Variants in TMEM138 observed in about 807,000 individuals in gnomAD.
TMEM138 encodes transmembrane protein 138.
Under a neutral mutation model 18.1 loss-of-function variants are expected in TMEM138, and 9 were observed. The observed-to-expected ratio is 0.50, with a 90% CI of 0.30 to 0.87. The LOEUF is 0.87. TMEM138 is among the 40% of genes least tolerant of loss of function. The pLI is 0.06. For missense variants in TMEM138, 189 were observed against 190.6 expected, an observed-to-expected ratio of 0.99 and a Z score of 0.05; for synonymous variants, 79 against 74.8, an observed-to-expected ratio of 1.06 and a Z score of -0.29.
At chr11:61,375,317 CTTTTTTT>C (rs71043758), downstream of TMEM138, among the ~76,000 whole-genome samples, 2 of 65,326 alleles carry the variant, frequency 3.1e-5, no homozygotes, top group Non-Finnish European at 6.2e-5. Flanking sequence ...TGTGAGTATT[CTTTTTTT>C]TTTTTTTTTT....
chr11:61,364,664 G>C, intron 2 of TMEM138, 146 bp downstream of exon 2: 3 of 1,133,688 alleles, frequency 2.6e-6, no homozygotes, highest in Non-Finnish European at 3.7e-6. Flanking sequence ...CAAGGCAGGA[G>C]GATCTTTTGA....
chr11:61,372,762 G>C (rs995785246), downstream of TMEM138, among the ~76,000 whole-genome samples: 26 of 151,958 alleles, frequency 1.7e-4, no homozygotes, highest in African/African-American at 6.3e-4. Context: ...CTCCAGTGTG[G>C]CAACAGAGTG....
downstream of TMEM138, among the ~76,000 whole-genome samples, chr11:61,370,364 A>C (rs1010063520): frequency 6.6e-6 from 1 of 152,212 alleles, no homozygotes; most frequent in Non-Finnish European, 1.5e-5. Context: ...GGAATTCTTT[A>C]AGTAAAAGGC....
intron 3 of TMEM138, chr11:61,367,138 C>T (rs1296231401): frequency 2.6e-5 from 4 of 152,168 alleles, no homozygotes; most frequent in Non-Finnish European, 5.9e-5. Context: ...TTGCTGCTTG[C>T]CCTTGAGTGC....
downstream of TMEM138, among the ~76,000 whole-genome samples, chr11:61,370,568 C>T (rs999924734): frequency 4.6e-5 from 7 of 152,124 alleles, no homozygotes; most frequent in Admixed American, 4.6e-4. Flanking sequence ...CTCAAAAGCA[C>T]TACAAATTTT....
In TMEM138 at chr11:61,364,414, C is replaced by T. The variant is rs768366778; in HGVS notation, c.24C>T (p.Ser8=). The T allele has an allele frequency of 3.7e-6, 6 of 1,614,174 alleles. No individual in the cohort carries two copies. In the South Asian group the frequency reaches 4.4e-5, roughly 12 times the overall value. ...AGATGCTCCAGACCAGTAACTACAG[C>T]CTGGTGCTCTCTCTGCAGTTCCTGC... is the stretch of plus-strand genomic sequence containing the variant. MLQTSNY[S]LVLSLQFLLL... Residue 8 remains serine, a synonymous_variant, in exon 2 of 5, where the codon AGC becomes AGT. Coordinates refer to ENST00000278826, the MANE Select transcript of TMEM138 (RefSeq NM_016464.5).
At chr11:61,376,348 CA>C (rs34290389), downstream of TMEM138, among the ~76,000 whole-genome samples, 54 of 141,056 alleles carry the variant, frequency 3.8e-4, 1 homozygote, top group Admixed American at 7.1e-4. Context: ...GACTCTGTCT[CA>C]AAAAAAAAAA....
intron 2 of TMEM138, 179 bp from the exon 3 acceptor site, chr11:61,365,866 G>T: frequency 1.5e-6 from 1 of 671,676 alleles, no homozygotes. Flanking sequence ...GTAATTTTAG[G>T]TAATTTTAGC....
downstream of TMEM138, among the ~76,000 whole-genome samples, chr11:61,374,718 G>A (rs1425387755): frequency 2.0e-5 from 3 of 152,172 alleles, no homozygotes; most frequent in Admixed American, 2.0e-4. Context: ...GGGAGGCCAA[G>A]GTGGGCAGAT....
At chr11:61,365,982 T>C in intron 2 of TMEM138, 63 bp from the exon 3 acceptor site, 1 of 1,555,796 alleles carries the variant, frequency 6.4e-7, no homozygotes, top group South Asian at 1.2e-5. Context: ...CCTCAGGACA[T>C]AGTACCTGCT....
chr11:61,372,271 G>A (rs148880184), downstream of TMEM138, among the ~76,000 whole-genome samples: 21 of 151,962 alleles, frequency 1.4e-4, no homozygotes, highest in East Asian at 4.1e-3. Context: ...TTGCAGTTAA[G>A]ATCATGAGAG....
downstream of TMEM138, among the ~76,000 whole-genome samples, chr11:61,371,478 C>T (rs878985517): frequency 6.6e-6 from 1 of 152,188 alleles, no homozygotes; most frequent in Non-Finnish European, 1.5e-5. Context: ...TGAACCCTTT[C>T]AAGATGTCCT....
chr11:61,375,620 G>A (rs1762861445), downstream of TMEM138, among the ~76,000 whole-genome samples: 1 of 152,180 alleles, frequency 6.6e-6, no homozygotes, highest in Non-Finnish European at 1.5e-5. Flanking sequence ...ACTCCACCCA[G>A]CTGTGAGTAT....
chr11:61,373,491 A>G (rs1858391999), downstream of TMEM138, among the ~76,000 whole-genome samples: 1 of 152,014 alleles, frequency 6.6e-6, no homozygotes, highest in African/African-American at 2.4e-5. Flanking sequence ...CTCCTCTCTC[A>G]AAGAATGAAG....
intron 2 of TMEM138, 104 bp downstream of exon 2, chr11:61,364,622 C>T: frequency 6.7e-7 from 1 of 1,486,194 alleles, no homozygotes; most frequent in South Asian, 1.2e-5. Context: ...GGTACGGTGG[C>T]TCACACCCAT....
chr11:61,372,788 A>G (rs1858378464), downstream of TMEM138, among the ~76,000 whole-genome samples: 1 of 152,026 alleles, frequency 6.6e-6, no homozygotes, highest in Non-Finnish European at 1.5e-5. Context: ...CTGTTTCAAA[A>G]AAAAAAGAAA....
rs766877364 is a variant in TMEM138, at chr11:61,364,361, C to T, written c.-30C>T. 3.1e-6 allele frequency: 5 copies of T among 1,612,190 alleles called. No homozygotes were observed. Among genetic ancestry groups the T allele is most frequent in the East Asian group, 2.2e-5 (1 of 44,818 alleles). On this transcript the variant is annotated 5_prime_UTR_variant, in exon 2 of 5. Transcript: ENST00000278826. ...GGTTTTCTGGGAACTGTGGGATGTG[C>T]CCTTGGGGGCCCGAGAAAACAGAAG...
At chr11:61,375,317 C>CTTTTTTTT (rs71043758), downstream of TMEM138, among the ~76,000 whole-genome samples, 1 of 65,326 alleles carries the variant, frequency 1.5e-5, no homozygotes, top group African/African-American at 4.9e-5. Flanking sequence ...TGTGAGTATT[C>CTTTTTTTT]TTTTTTTTTT....
Position 61,364,256 on chromosome 11 carries a change from T to C in TMEM138, c.-135T>C. The stretch of plus-strand genomic sequence containing the variant: ...CTTATCTTTTTGCTCCAACAGGTGC[T>C]TGCCTTAGAGCAAGGGAAACAGCTC... On this transcript the variant is annotated 5_prime_UTR_variant, in exon 2 of 5. Coordinates refer to ENST00000278826, the MANE Select transcript of TMEM138 (RefSeq NM_016464.5). 9.3e-7 allele frequency: 1 copy of C among 1,075,662 alleles called. No individual in the cohort carries two copies. Among genetic ancestry groups the C allele is most frequent in the Non-Finnish European group, 1.3e-6 (1 of 747,084 alleles). 66.6% of individuals were successfully genotyped at this position (1,075,662 alleles called of 1,614,324 possible). A position where few individuals can be genotyped will look rare whatever the true frequency, so the allele number is the denominator to read the frequency against.
Sources: allele counts gnomAD v4.1 joint callset (sites outside exome capture counted in the v4.1 genomes callset), GRCh38; gene constraint gnomAD v4.1.1; transcripts MANE v1.5; gene names NCBI Gene and HGNC (gene_info 2026-07-23, HGNC 2026-07-21).